The following PCDH7 variants were observed in gnomAD, a reference collection of about 807,000 sequenced individuals.
PCDH7 encodes protocadherin-7.
Under a neutral mutation model 58.9 loss-of-function variants are expected in PCDH7, and 17 were observed. The ratio of observed to expected loss-of-function variants is 0.29; its 90% CI spans 0.20 to 0.43. The LOEUF (loss-of-function observed/expected upper bound fraction) is 0.43. Ranked by LOEUF, PCDH7 falls within the 20% of genes least tolerant of loss-of-function variation. The pLI is 1.00. For missense variants in PCDH7, 1,274 were observed against 1,441.0 expected (o/e 0.88, Z 1.88); for synonymous variants, 664 against 616.4 (o/e 1.08, Z -1.14).
intron 3 of PCDH7, among the ~76,000 whole-genome samples, chr4:31,024,060 T>G (rs1317637908): frequency 6.6e-6 from 1 of 152,208 alleles, no homozygotes; most frequent in Non-Finnish European, 1.5e-5. Flanking sequence ...ATTAAAACTT[T>G]GAAATGCTAG....
At chr4:30,944,066 T>G (rs1746384908) in intron 2 of PCDH7, among the ~76,000 whole-genome samples, 1 of 152,102 alleles carries the variant, frequency 6.6e-6, no homozygotes, top group Admixed American at 6.6e-5. Flanking sequence ...TAAAGCCAAG[T>G]GATCTCAAAA....
chr4:31,021,497 C>T (rs1365278520), intron 3 of PCDH7, among the ~76,000 whole-genome samples: 1 of 152,068 alleles, frequency 6.6e-6, no homozygotes, highest in Non-Finnish European at 1.5e-5. Context: ...AATCAACAGC[C>T]CCAGAATTTT....
chr4:31,085,071 A>G (rs1712210888), intron 3 of PCDH7, among the ~76,000 whole-genome samples: 1 of 152,088 alleles, frequency 6.6e-6, no homozygotes, highest in Non-Finnish European at 1.5e-5. Flanking sequence ...CTGGAGTTTT[A>G]TTATTACTCA....
At chr4:31,058,048 A>G (rs1271562785) in intron 3 of PCDH7, among the ~76,000 whole-genome samples, 4 of 152,140 alleles carry the variant, frequency 2.6e-5, no homozygotes, top group Non-Finnish European at 4.4e-5. Context: ...TAAGATTCCA[A>G]TGAAGTATCT....
Position 30,964,630 on chromosome 4 carries a change from A to G in PCDH7, c.*7+14415A>G, listed in dbSNP as rs114215533. On this transcript the variant is annotated intron_variant, in intron 3 of 3. Coordinates refer to the PCDH7 transcript ENST00000509759. ...ACAAATGGACTTTTTTTTTTTTTTT[A>G]ACCTCCCTGAGGGCAGAAATAGTAG... is the stretch of plus-strand genomic sequence containing the variant. Among the ~76,000 whole-genome samples the G allele has an allele frequency of 7.3e-5, 5 of 68,146 alleles. No homozygotes were observed. The South Asian group carries it at 2.6e-3, about 35-fold the overall frequency. 44.7% of individuals were successfully genotyped at this position (68,146 alleles called of 152,430 possible).
At chr4:30,802,081 T>C (rs914547158) in intron 1 of PCDH7, among the ~76,000 whole-genome samples, 1 of 152,176 alleles carries the variant, frequency 6.6e-6, no homozygotes, top group Admixed American at 6.6e-5. Context: ...GTTAAAATTG[T>C]ATTGTGTAAA....
downstream of PCDH7, among the ~76,000 whole-genome samples, chr4:30,734,487 G>T: frequency 6.6e-6 from 1 of 152,104 alleles, no homozygotes; most frequent in Non-Finnish European, 1.5e-5. Flanking sequence ...ACTCACCTTG[G>T]CCTCCCAAAG....
chr4:30,930,949 A>T (rs1040659867), intron 2 of PCDH7, among the ~76,000 whole-genome samples: 1 of 152,124 alleles, frequency 6.6e-6, no homozygotes, highest in South Asian at 2.1e-4. Context: ...TAAAAAAAAC[A>T]GAACACAAAC....
At chr4:30,887,291 G>C (rs187546342) in intron 1 of PCDH7, among the ~76,000 whole-genome samples, 17 of 152,094 alleles carry the variant, frequency 1.1e-4, no homozygotes, top group Non-Finnish European at 1.8e-4. Context: ...AATTCTTAAA[G>C]CTGGGATTGC....
chr4:31,005,405 G>C (rs1752687122), intron 3 of PCDH7, among the ~76,000 whole-genome samples: 1 of 152,010 alleles, frequency 6.6e-6, no homozygotes, highest in Admixed American at 6.6e-5. Flanking sequence ...AACACATAAG[G>C]AATCTTGCTT....
intron 1 of PCDH7, among the ~76,000 whole-genome samples, chr4:30,892,953 A>C (rs1738815030): frequency 6.6e-6 from 1 of 152,086 alleles, no homozygotes; most frequent in Non-Finnish European, 1.5e-5. Context: ...TACCACTGTT[A>C]AATAGGCCAC....
At chr4:30,808,029 G>T (rs553739390) in intron 1 of PCDH7, among the ~76,000 whole-genome samples, 163 of 152,202 alleles carry the variant, frequency 1.1e-3, no homozygotes, top group Non-Finnish European at 2.1e-3. Context: ...GTAGGAGGCA[G>T]GGGAGGGCTT....
At chr4:31,006,391 A>G (rs1171443630) in intron 3 of PCDH7, among the ~76,000 whole-genome samples, 4 of 152,244 alleles carry the variant, frequency 2.6e-5, no homozygotes, top group African/African-American at 7.2e-5. Context: ...ATGAGATCAT[A>G]TGGAAGACCA....
At chr4:31,050,460 A>G (rs1364134409) in intron 3 of PCDH7, among the ~76,000 whole-genome samples, 1 of 152,130 alleles carries the variant, frequency 6.6e-6, no homozygotes, top group Non-Finnish European at 1.5e-5. Flanking sequence ...AAATAAAACT[A>G]TATATACTCA....
intron 3 of PCDH7, among the ~76,000 whole-genome samples, chr4:31,015,811 G>A (rs193072077): frequency 7.2e-5 from 11 of 152,260 alleles, no homozygotes; most frequent in Admixed American, 3.3e-4. Context: ...ATTCATAGGA[G>A]AATCTTTAGA....
intron 1 of PCDH7, among the ~76,000 whole-genome samples, chr4:30,797,966 T>C (rs909769833): frequency 1.3e-5 from 2 of 152,198 alleles, no homozygotes; most frequent in African/African-American, 4.8e-5. Flanking sequence ...ACAAATCATG[T>C]GAACTTCGTT....
intron 1 of PCDH7, among the ~76,000 whole-genome samples, chr4:30,919,683 A>C (rs2109414264): frequency 6.6e-6 from 1 of 152,292 alleles, no homozygotes; most frequent in South Asian, 2.1e-4. Flanking sequence ...GAACAGTTTA[A>C]GTCAACTGCC....
intron 3 of PCDH7, among the ~76,000 whole-genome samples, chr4:31,022,858 T>A (rs1420493830): frequency 2.6e-5 from 4 of 152,020 alleles, no homozygotes; most frequent in Admixed American, 2.0e-4. Context: ...TAAGCTGCTG[T>A]GCAAGGTAGA....
intron 3 of PCDH7, among the ~76,000 whole-genome samples, chr4:31,099,571 GTTTA>G (rs1289178037): frequency 6.6e-6 from 1 of 152,202 alleles, no homozygotes; most frequent in African/African-American, 2.4e-5. Context: ...GGCATATGTA[GTTTA>G]TTTATTGCTA....
Sources: gnomAD v4.1 joint callset for allele counts (sites outside exome capture counted in the v4.1 genomes callset) on GRCh38, gnomAD v4.1.1 for gene constraint, MANE v1.5 for transcripts, NCBI Gene and HGNC (gene_info 2026-07-23, HGNC 2026-07-21) for gene names.